The following SLC16A7 variants were observed in gnomAD, a reference collection of about 807,000 sequenced individuals.
SLC16A7 encodes monocarboxylate transporter 2.
Under a neutral mutation model 34.9 loss-of-function variants are expected in SLC16A7, and 33 were observed. That is an observed-to-expected ratio of 0.94 (90% CI 0.72 to 1.26). The LOEUF is 1.26. Among genes scored for constraint, SLC16A7 ranks in the 50% most tolerant of loss-of-function variants. SLC16A7 has a pLI of 0.00. For synonymous variants in SLC16A7, 201 were observed against 206.6 expected (o/e 0.97, Z 0.23); for missense variants, 573 against 578.1 (o/e 0.99, Z 0.09).
intron 2 of SLC16A7, among the ~76,000 whole-genome samples, chr12:59,664,407 G>A (rs1869028720): frequency 1.3e-5 from 2 of 152,178 alleles, no homozygotes; most frequent in South Asian, 4.2e-4. Context: ...TGTAGGGAGT[G>A]TTATGTGTGA....
chr12:59,650,822 G>A (rs1194840751), intron 1 of SLC16A7, among the ~76,000 whole-genome samples: 2 of 152,128 alleles, frequency 1.3e-5, no homozygotes, highest in Non-Finnish European at 2.9e-5. Flanking sequence ...CCCTCTAGTT[G>A]TAGGTCTTTG....
At chr12:59,776,992 T>C (rs1044967027) in intron 5 of SLC16A7, among the ~76,000 whole-genome samples, 1 of 152,016 alleles carries the variant, frequency 6.6e-6, no homozygotes, top group Admixed American at 6.6e-5. Context: ...CACACAATTC[T>C]TAGTGTAAAC....
intron 2 of SLC16A7, among the ~76,000 whole-genome samples, chr12:59,675,217 A>G (rs1301202969): frequency 1.3e-5 from 2 of 152,158 alleles, no homozygotes; most frequent in African/African-American, 4.8e-5. Flanking sequence ...TTATTGTCTT[A>G]TTCACTGATC....
intron 3 of SLC16A7, among the ~76,000 whole-genome samples, chr12:59,722,398 C>T: frequency 6.6e-6 from 1 of 151,780 alleles, no homozygotes; most frequent in Admixed American, 6.6e-5. Flanking sequence ...TTTGGTGTTC[C>T]TGTTTCTGAA....
intron 4 of SLC16A7, among the ~76,000 whole-genome samples, chr12:59,771,874 T>A (rs1468240527): frequency 1.3e-5 from 2 of 152,130 alleles, no homozygotes; most frequent in African/African-American, 4.8e-5. Context: ...ATTAACCGTG[T>A]TCCTTCTTTT....
At position 59,754,324 on chromosome 12, in the gene SLC16A7, T is replaced by A. The variant is rs554307156; in HGVS notation, c.218-16895T>A. Among the ~76,000 whole-genome samples, 22 of 152,254 alleles carry A rather than the reference T, an allele frequency of 1.4e-4. 1 individual carries two copies. Among genetic ancestry groups the A allele is most frequent in the African/African-American group, 5.3e-4 (22 of 41,558 alleles). On this transcript the variant is annotated intron_variant, in intron 3 of 5. Coordinates refer to ENST00000547379, the MANE Select transcript of SLC16A7 (RefSeq NM_001270623.2). ...AAAATTAATGAATCCAGGAGCCGGT[T>A]TTTTGAAAGGATCAACAAAATTGAT...
At chr12:59,710,295 A>G (rs1874073657) in intron 3 of SLC16A7, among the ~76,000 whole-genome samples, 1 of 152,204 alleles carries the variant, frequency 6.6e-6, no homozygotes, top group Non-Finnish European at 1.5e-5. Flanking sequence ...CAAATGAAAA[A>G]GAAGTTGTGA....
At chr12:59,608,182 C>T (rs563563384) in intron 1 of SLC16A7, among the ~76,000 whole-genome samples, 1 of 152,270 alleles carries the variant, frequency 6.6e-6, no homozygotes, top group East Asian at 1.9e-4. Context: ...CTCTTTTTCT[C>T]TTTACCTTGC....
At chr12:59,659,163 C>T (rs1303501607) in intron 2 of SLC16A7, among the ~76,000 whole-genome samples, 3 of 152,002 alleles carry the variant, frequency 2.0e-5, no homozygotes, top group Non-Finnish European at 2.9e-5. Flanking sequence ...TACTTTATAA[C>T]ACTATTTTAG....
intron 3 of SLC16A7, among the ~76,000 whole-genome samples, chr12:59,713,448 A>C (rs1467686794): frequency 6.6e-6 from 1 of 152,268 alleles, no homozygotes; most frequent in Non-Finnish European, 1.5e-5. Context: ...AAAAATTGAA[A>C]TTAATTTTTA....
intron 1 of SLC16A7, among the ~76,000 whole-genome samples, chr12:59,614,500 C>T (rs1222060240): frequency 6.6e-6 from 1 of 152,064 alleles, no homozygotes; most frequent in Non-Finnish European, 1.5e-5. Flanking sequence ...TATTTCATTA[C>T]ATAATCAAAC....
At chr12:59,779,374 A>T (rs1883060639) in intron 5 of SLC16A7, 49 bp from the exon 6 acceptor site, 1 of 1,374,720 alleles carries the variant, frequency 7.3e-7, no homozygotes, top group African/African-American at 1.4e-5. Context: ...TTTTATCATT[A>T]TATGACTGTT....
At chr12:59,678,390 A>G (rs934208639) in intron 2 of SLC16A7, among the ~76,000 whole-genome samples, 1 of 152,132 alleles carries the variant, frequency 6.6e-6, no homozygotes, top group Non-Finnish European at 1.5e-5. Context: ...GGAGACCTGC[A>G]GTAGGTAGCT....
chr12:59,614,688 T>C (rs960331249), intron 1 of SLC16A7, among the ~76,000 whole-genome samples: 6 of 151,414 alleles, frequency 4.0e-5, no homozygotes, highest in Non-Finnish European at 7.4e-5. Flanking sequence ...CAGGCCCTTA[T>C]ATAAATGAGG....
intron 2 of SLC16A7, among the ~76,000 whole-genome samples, chr12:59,657,660 A>G (rs1868604201): frequency 6.6e-6 from 1 of 151,980 alleles, no homozygotes; most frequent in African/African-American, 2.4e-5. Flanking sequence ...GGTAGCATAT[A>G]TTTGATCAGT....
At chr12:59,712,290 A>G (rs972349313) in intron 3 of SLC16A7, among the ~76,000 whole-genome samples, 3 of 152,232 alleles carry the variant, frequency 2.0e-5, no homozygotes, top group African/African-American at 7.2e-5. Context: ...ACATTTAAAA[A>G]CGACTGGAAA....
intron 1 of SLC16A7, among the ~76,000 whole-genome samples, chr12:59,624,791 T>C (rs1199204153): frequency 6.6e-6 from 1 of 151,450 alleles, no homozygotes; most frequent in African/African-American, 2.4e-5. Flanking sequence ...TATGTGTGTG[T>C]ACTACTGCAA....
intron 3 of SLC16A7, among the ~76,000 whole-genome samples, chr12:59,708,490 G>T (rs908343735): frequency 3.7e-4 from 57 of 152,160 alleles, no homozygotes; most frequent in African/African-American, 1.4e-3. Flanking sequence ...AGCCTTTTAG[G>T]TTGATGATTA....
intron 1 of SLC16A7, among the ~76,000 whole-genome samples, chr12:59,618,712 A>G (rs1412923480): frequency 6.6e-6 from 1 of 151,978 alleles, no homozygotes; most frequent in African/African-American, 2.4e-5. Flanking sequence ...TGTTCTGGTA[A>G]TAAAGTACAC....
Sources: gnomAD v4.1 joint callset for allele counts (sites outside exome capture counted in the v4.1 genomes callset) on GRCh38, gnomAD v4.1.1 for gene constraint, MANE v1.5 for transcripts, NCBI Gene and HGNC (gene_info 2026-07-23, HGNC 2026-07-21) for gene names.